The following SNRPN variants were observed in gnomAD, a reference collection of about 807,000 sequenced individuals.
The protein encoded by SNRPN is small nuclear ribonucleoprotein-associated protein N.
In SNRPN, 7 loss-of-function variants were observed where a neutral mutation model predicts 25.2. That is an observed-to-expected ratio of 0.28 (90% CI 0.16 to 0.52). The LOEUF (loss-of-function observed/expected upper bound fraction) is 0.52, where lower values mean the gene tolerates loss of function less well. Among genes scored for constraint, SNRPN ranks in the 20% least tolerant of loss-of-function variants. SNRPN has a pLI of 0.96. For synonymous variants in SNRPN, 124 were observed against 110.6 expected, an observed-to-expected ratio of 1.12 and a Z score of -0.76; for missense variants, 196 against 322.5, an observed-to-expected ratio of 0.61 and a Z score of 3.00.
rs58343685 is a variant in SNRPN, at chr15:24,923,881, ATGTGTGTGTGTGTG to A, written c.-391+3777_-391+3790del. The stretch of plus-strand genomic sequence containing the variant: ...GATTTGTTTCTTTTTAGTGCCGTGT[ATGTGTGTGTGTGTG>A]TGTGTGTGTGTGTGTGTGTATATAA... On this transcript the variant is annotated intron_variant, in intron 3 of 11. Transcript: ENST00000400097. Among the ~76,000 whole-genome samples, 847 of 106,114 alleles carry A rather than the reference ATGTGTGTGTGTGTG, an allele frequency of 8.0e-3. 18 individuals are homozygous for A. The highest frequency in any genetic ancestry group is 0.027 in the African/African-American group (719 of 26,540). 69.6% of individuals were successfully genotyped at this position (106,114 alleles called of 152,430 possible).
intron 2 of SNRPN, among the ~76,000 whole-genome samples, chr15:24,919,009 CAT>C (rs1257219922): frequency 1.5e-5 from 2 of 131,024 alleles, no homozygotes; most frequent in Admixed American, 1.6e-4. Context: ...ATATATATAA[CAT>C]AATATATATG....
At chr15:24,853,085 T>G (rs1261364500), upstream of SNRPN, among the ~76,000 whole-genome samples, 1 of 152,232 alleles carries the variant, frequency 6.6e-6, no homozygotes, top group Non-Finnish European at 1.5e-5. Flanking sequence ...AGTGTTAGAC[T>G]CACAGAACAA....
At chr15:24,879,459 A>G (rs1237960270) in intron 1 of SNRPN, among the ~76,000 whole-genome samples, 1 of 152,140 alleles carries the variant, frequency 6.6e-6, no homozygotes, top group African/African-American at 2.4e-5. Flanking sequence ...AGAAAGAAAG[A>G]AATTATACAT....
At chr15:24,946,620 C>A (rs938614962) in intron 3 of SNRPN, among the ~76,000 whole-genome samples, 10 of 152,090 alleles carry the variant, frequency 6.6e-5, no homozygotes, top group Non-Finnish European at 1.2e-4. Context: ...CAGGCACGTG[C>A]TACCATGCCC....
At chr15:24,950,685 C>A (rs1276839689), upstream of SNRPN, among the ~76,000 whole-genome samples, 3 of 150,578 alleles carry the variant, frequency 2.0e-5, no homozygotes, top group Non-Finnish European at 4.4e-5. Flanking sequence ...GTAGCTGGGA[C>A]CAGAGGTGTG....
At chr15:24,872,871 CAAAAAAAAAAAAA>C (rs202062268) in intron 1 of SNRPN, among the ~76,000 whole-genome samples, 4 of 59,352 alleles carry the variant, frequency 6.7e-5, no homozygotes, top group South Asian at 7.0e-4. Context: ...GACTCCGTCT[CAAAAAAAAAAAAA>C]AAAAAAAAAA....
At chr15:24,949,812 T>G (rs1184207541) in intron 3 of SNRPN, among the ~76,000 whole-genome samples, 1 of 152,050 alleles carries the variant, frequency 6.6e-6, no homozygotes, top group Non-Finnish European at 1.5e-5. Flanking sequence ...CATAGTTGTT[T>G]CCTTTTTCTT....
chr15:24,882,307 A>G (rs4906691), intron 1 of SNRPN, among the ~76,000 whole-genome samples: 15,479 of 152,224 alleles, frequency 0.1, 936 homozygotes, highest in Admixed American at 0.2. Flanking sequence ...AACATCTTAC[A>G]TAAAATTTGG....
chr15:24,936,725 G>A (rs1387783487), intron 3 of SNRPN, among the ~76,000 whole-genome samples: 2 of 152,000 alleles, frequency 1.3e-5, no homozygotes, highest in Non-Finnish European at 1.5e-5. Flanking sequence ...ACCAGATCTT[G>A]TGATATATCA....
chr15:24,864,606 A>T (rs554193908), intron 1 of SNRPN, among the ~76,000 whole-genome samples: 4 of 151,132 alleles, frequency 2.6e-5, no homozygotes, highest in Non-Finnish European at 5.9e-5. Flanking sequence ...AGCCTCCCAA[A>T]GTTCTGGGAT....
upstream of SNRPN, chr15:24,851,946 A>G (rs2052887410): frequency 6.6e-6 from 1 of 152,216 alleles, no homozygotes; most frequent in Non-Finnish European, 1.5e-5. Context: ...AGATGATGAC[A>G]TGTATTGTAA....
intron 3 of SNRPN, among the ~76,000 whole-genome samples, chr15:24,935,705 T>A (rs2061180167): frequency 6.6e-6 from 1 of 152,078 alleles, no homozygotes; most frequent in South Asian, 2.1e-4. Context: ...ACAGGAGAGT[T>A]TTCAGAGCAG....
At chr15:24,952,988 G>C (rs11634690), upstream of SNRPN, among the ~76,000 whole-genome samples, 1 of 151,722 alleles carries the variant, frequency 6.6e-6, no homozygotes, top group Non-Finnish European at 1.5e-5. Flanking sequence ...CCCAATTCCT[G>C]CTCCTAGAAG....
intron 3 of SNRPN, among the ~76,000 whole-genome samples, chr15:24,935,074 C>G (rs961077576): frequency 2.0e-5 from 3 of 152,046 alleles, no homozygotes; most frequent in African/African-American, 7.2e-5. Context: ...GAGTTCGAGA[C>G]CAGCCTGGGC....
intron 2 of SNRPN, among the ~76,000 whole-genome samples, chr15:24,966,174 T>A (rs886865652): frequency 6.6e-6 from 1 of 152,152 alleles, no homozygotes; most frequent in African/African-American, 2.4e-5. Flanking sequence ...GCACCCACAC[T>A]TCCGACCAAC....
chr15:24,881,590 AGAGAGAGAGAG>A lies in SNRPN; in HGVS notation c.-578-4925_-578-4915del, dbSNP rs1566864443. On this transcript the variant is annotated intron_variant, in intron 1 of 11. Coordinates refer to the SNRPN transcript ENST00000400097. ...GAGGGAGGGAGGGAGGGAGGGAGAG[AGAGAGAGAGAG>A]AGAGAGAGAGAGAGAGAGAAAGTCA... Among the ~76,000 whole-genome samples, 423 of 52,194 alleles carry A rather than the reference AGAGAGAGAGAG, an allele frequency of 8.1e-3. 2 individuals are homozygous for A. Among genetic ancestry groups the A allele is most frequent in the African/African-American group, 0.041 (404 of 9,822 alleles). The allele number at this position is 52,194 out of a possible 152,430, so 34.2% of individuals were successfully genotyped here.
intron 1 of SNRPN, among the ~76,000 whole-genome samples, chr15:24,876,847 C>A (rs1282150914): frequency 6.6e-6 from 1 of 151,432 alleles, no homozygotes; most frequent in African/African-American, 2.4e-5. Context: ...GTATAGAATG[C>A]AAAAAAAATT....
chr15:24,951,412 G>A (rs772073157), upstream of SNRPN, among the ~76,000 whole-genome samples: 3 of 151,368 alleles, frequency 2.0e-5, no homozygotes, highest in Non-Finnish European at 4.4e-5. Context: ...TAACGATTGT[G>A]TCTTTTCATG....
intron 3 of SNRPN, among the ~76,000 whole-genome samples, chr15:24,930,033 A>C (rs1005937210): frequency 3.3e-5 from 5 of 152,018 alleles, no homozygotes; most frequent in African/African-American, 1.2e-4. Context: ...CAAAAATACA[A>C]AAAATTCTCT....
Sources: gnomAD v4.1 joint callset for allele counts (sites outside exome capture counted in the v4.1 genomes callset) on GRCh38, gnomAD v4.1.1 for gene constraint, MANE v1.5 for transcripts, NCBI Gene and HGNC (gene_info 2026-07-23, HGNC 2026-07-21) for gene names.